VPS39: variants seen among roughly 807,000 people sequenced by gnomAD.
The protein encoded by VPS39 is vam6/Vps39-like protein.
Under a neutral mutation model 121.0 loss-of-function variants are expected in VPS39, and 70 were observed. The observed-to-expected ratio is 0.58, with a 90% CI of 0.48 to 0.71. The LOEUF (loss-of-function observed/expected upper bound fraction) is 0.71, where lower values mean the gene tolerates loss of function less well. Among genes scored for constraint, VPS39 ranks in the 30% least tolerant of loss-of-function variants. The pLI is 0.00. For missense variants in VPS39, 818 were observed against 1,051.5 expected, an observed-to-expected ratio of 0.78 and a Z score of 3.07; for synonymous variants, 378 against 398.1, an observed-to-expected ratio of 0.95 and a Z score of 0.60.
rs2140899900 is a variant in VPS39 at position 42,208,212 on chromosome 15, G to A, written c.-59C>T. ...CCCAGAGTGTTCCGGGCCGGGCTGG[G>A]GTCCGGAACGAGTCTGGGCTAAGGG... On this transcript the variant is annotated 5_prime_UTR_variant, in exon 1 of 25. Transcript: ENST00000318006. 1.9e-6 allele frequency: 3 copies of A among 1,549,668 alleles called. No individual in the cohort carries two copies. Among genetic ancestry groups the A allele is most frequent in the African/African-American group, 1.4e-5 (1 of 73,168 alleles).
At chr15:42,179,632 A>G (rs2049538520) in intron 8 of VPS39, among the ~76,000 whole-genome samples, 1 of 149,730 alleles carries the variant, frequency 6.7e-6, no homozygotes, top group Non-Finnish European at 1.5e-5. Context: ...TAAAATAAAA[A>G]ATAAAAAAAA....
At chr15:42,194,383 A>G (rs2049891505) in intron 2 of VPS39, among the ~76,000 whole-genome samples, 1 of 152,186 alleles carries the variant, frequency 6.6e-6, no homozygotes, top group African/African-American at 2.4e-5. Context: ...CTGAGGCATG[A>G]GAATTGCTTG....
At chr15:42,193,851 TAAAA>T (rs35451716) in intron 2 of VPS39, among the ~76,000 whole-genome samples, 21,326 of 120,818 alleles carry the variant, frequency 0.18, 1,978 homozygotes, top group South Asian at 0.27. Context: ...CCTTTGTTCA[TAAAA>T]AAAAAAAAAA....
chr15:42,181,914 A>C (rs2049589702), intron 8 of VPS39, among the ~76,000 whole-genome samples: 2 of 152,174 alleles, frequency 1.3e-5, no homozygotes, highest in Admixed American at 1.3e-4. Flanking sequence ...GGGTCTCACT[A>C]TGTTGCCCAG....
Position 42,169,845 on chromosome 15 carries a change from A to T in VPS39, c.1112T>A (p.Leu371Gln). Residue 371 changes from leucine (L) to glutamine (Q), a missense_variant, in exon 12 of 25, where the codon CTG becomes CAG. By Grantham distance (113) the Leu-to-Gln change is moderately radical. Coordinates refer to ENST00000318006, the MANE Select transcript of VPS39 (RefSeq NM_015289.5). Reference sequence around the variant, plus strand: ...GTCTGTGGGCAGCAGGTCAGGGTACAGGCCCATCACATGGGTGGGATCTAT... The same window carrying T: ...GTCTGTGGGCAGCAGGTCAGGGTACTGGCCCATCACATGGGTGGGATCTAT... ...LGTDPTHVMG[L>Q]YPDLLPTDYR... The T allele has an allele frequency of 6.2e-7, 1 of 1,614,036 alleles. No homozygotes were observed. Among genetic ancestry groups the T allele is most frequent in the Non-Finnish European group, 8.5e-7 (1 of 1,180,006 alleles).
chr15:42,173,807 G>C lies in VPS39; in HGVS notation c.1006C>G (p.His336Asp). The change falls in exon 11 of 25, where the codon CAC becomes GAC. Residue 336 changes from histidine to aspartate, a missense_variant. Coordinates refer to ENST00000318006, the MANE Select transcript of VPS39 (RefSeq NM_015289.5). ...SDSEKQQQIH[H>D]IKNLYAFNLF... ...TTGAAGGCATACAAGTTCTTGATGT[G>C]ATGAATTTGTTGCTGCTTTTCACTG... 6.2e-7 allele frequency: 1 copy of C among 1,614,170 alleles called. No individual in the cohort carries two copies. The highest frequency in any genetic ancestry group is 8.5e-7 in the Non-Finnish European group (1 of 1,180,000).
rs145865225 is a variant in VPS39 at position 42,205,222 on chromosome 15, T to C, written c.73+2859A>G. ...AAAGATACTGCCCTGAGGGAACTTA[T>C]ATTCTAATGTGGAGTGAGAGAGGCA... On this transcript the variant is annotated intron_variant, in intron 1 of 24. Coordinates refer to ENST00000318006, the MANE Select transcript of VPS39 (RefSeq NM_015289.5). Among the ~76,000 whole-genome samples, 374 of 152,306 alleles carry C rather than the reference T, an allele frequency of 2.5e-3. 3 individuals are homozygous for C. Among genetic ancestry groups the C allele is most frequent in the African/African-American group, 7.6e-3 (317 of 41,562 alleles).
At position 42,178,581 on chromosome 15, in the gene VPS39, G is replaced by C; in HGVS notation, c.719-11C>G. 6.2e-7 allele frequency: 1 copy of C among 1,613,864 alleles called. No individual in the cohort carries two copies. Among genetic ancestry groups the C allele is most frequent in the Non-Finnish European group, 8.5e-7 (1 of 1,179,848 alleles). On this transcript the variant is annotated splice_polypyrimidine_tract_variant and intron_variant, in intron 8 of 24. Transcript: ENST00000318006. Reference sequence around the variant, plus strand: ...AGGGAGGCTGGTGCTCTGTGAAAGAGAACATACACAGCAGTTGTTCCGGTC... The same window carrying C: ...AGGGAGGCTGGTGCTCTGTGAAAGACAACATACACAGCAGTTGTTCCGGTC...
intron 2 of VPS39, among the ~76,000 whole-genome samples, chr15:42,195,637 G>A (rs2049921434): frequency 6.6e-6 from 1 of 152,152 alleles, no homozygotes; most frequent in African/African-American, 2.4e-5. Context: ...CCTCTTCAAG[G>A]AGAACTACAA....
At chr15:42,166,455 A>G in intron 15 of VPS39, 108 bp downstream of exon 15, 1 of 1,308,362 alleles carries the variant, frequency 7.6e-7, no homozygotes, top group Non-Finnish European at 1.1e-6. Context: ...AAATTGAGTG[A>G]ACACGAGCAC....
chr15:42,191,898 T>C (rs2049835493), intron 2 of VPS39, among the ~76,000 whole-genome samples: 2 of 152,222 alleles, frequency 1.3e-5, no homozygotes, highest in South Asian at 4.1e-4. Context: ...GTGTAAAAAG[T>C]AACAGTCAAA....
rs767673738 is a variant in VPS39, at chr15:42,187,759, T to G, written c.440A>C (p.Gln147Pro). The change falls in exon 6 of 25, where the codon CAG becomes CCG. Residue 147 changes from glutamine (Q) to proline (P), a missense_variant and splice_region_variant. Gln to Pro is a moderately conservative substitution (Grantham distance 76). Transcript: ENST00000318006. ...FWKDREFHEL[Q>P]GDFSVPDVPK... ...TGGACCAAGGAACAGTGGACTTACC[T>G]GCAATTCATGAAATTCCCTGTCCTT... 20 of 1,614,030 alleles carry G rather than the reference T, an allele frequency of 1.2e-5. No individual in the cohort carries two copies. In the Admixed American group the frequency reaches 3.2e-4, roughly 26 times the overall value.
intron 10 of VPS39, among the ~76,000 whole-genome samples, chr15:42,175,233 C>G (rs112195278): frequency 0.051 from 7,729 of 151,572 alleles, 650 homozygotes; most frequent in African/African-American, 0.17. Context: ...CATGGTGAAA[C>G]CCCGTCTCTA....
chr15:42,166,221 G>C lies in VPS39; in HGVS notation c.1618C>G (p.Leu540Val). The C allele has an allele frequency of 6.2e-7, 1 of 1,614,210 alleles. No homozygotes were observed. The highest frequency in any genetic ancestry group is 1.1e-5 in the South Asian group (1 of 91,086). The change falls in exon 16 of 25, where the codon CTG (leucine) becomes GTG (valine). Residue 540 changes from leucine to valine, a missense_variant. Leu to Val is a conservative substitution (Grantham distance 32). Transcript: ENST00000318006. ...QYLQHLGTEN[L>V]HLIFSYSVWV... ...ACTGAGTAGGAGAAAATCAAATGCAGGTTTTCTGTGCCTAGAAGGAAAAGC... is the reference window on the plus strand; with the variant it reads ...ACTGAGTAGGAGAAAATCAAATGCACGTTTTCTGTGCCTAGAAGGAAAAGC...
intron 8 of VPS39, among the ~76,000 whole-genome samples, chr15:42,182,308 T>C (rs1364250975): frequency 2.6e-5 from 4 of 152,230 alleles, no homozygotes; most frequent in Non-Finnish European, 5.9e-5. Flanking sequence ...GTATAACATA[T>C]GTAAAATTTC....
chr15:42,195,472 G>C (rs1286418403), intron 2 of VPS39, among the ~76,000 whole-genome samples: 1 of 152,112 alleles, frequency 6.6e-6, no homozygotes, highest in Non-Finnish European at 1.5e-5. Context: ...CTTCAGCAAA[G>C]TCTCAGGATA....
intron 21 of VPS39, 106 bp from the exon 22 acceptor site, chr15:42,162,587 A>G (rs754157538): frequency 6.8e-5 from 88 of 1,302,878 alleles, no homozygotes; most frequent in Non-Finnish European, 8.7e-5. Context: ...AGTAACAGCT[A>G]TCACTGAGCA....
intron 11 of VPS39, 119 bp from the exon 12 acceptor site, chr15:42,169,985 A>AAAAAAT: frequency 9.1e-7 from 1 of 1,095,796 alleles, no homozygotes; most frequent in Non-Finnish European, 1.2e-6. Flanking sequence ...AAAAAAAAAG[A>AAAAAAT]CTCTCAGTTC....
chr15:42,187,069 C>T (rs1450075908), intron 7 of VPS39, among the ~76,000 whole-genome samples: 4 of 152,140 alleles, frequency 2.6e-5, no homozygotes, highest in East Asian at 1.9e-4. Context: ...AAGAACTGAG[C>T]GTTGACTCTT....
Sources: allele counts gnomAD v4.1 joint callset (sites outside exome capture counted in the v4.1 genomes callset), GRCh38; gene constraint gnomAD v4.1.1; transcripts MANE v1.5; gene names NCBI Gene and HGNC (gene_info 2026-07-23, HGNC 2026-07-21).